Variants in TENM3 observed in about 807,000 individuals in gnomAD.
TENM3 encodes teneurin transmembrane protein 3, also known as teneurin-3.
Under a neutral mutation model 255.1 loss-of-function variants are expected in TENM3, and 63 were observed. The observed-to-expected ratio is 0.25, with a 90% CI of 0.20 to 0.30. The LOEUF (loss-of-function observed/expected upper bound fraction) is 0.30. Ranked by LOEUF, TENM3 falls within the 10% of genes least tolerant of loss-of-function variation. The pLI, the probability that TENM3 is intolerant of heterozygous loss-of-function variation, is 1.00. For missense variants in TENM3, 2,929 were observed against 3,461.1 expected, an observed-to-expected ratio of 0.85 and a Z score of 3.86; for synonymous variants, 1,306 against 1,322.3, an observed-to-expected ratio of 0.99 and a Z score of 0.27.
chr4:181,679,973 A>C, the TENM3 span, among the ~76,000 whole-genome samples: 3 of 152,088 alleles, frequency 2.0e-5, no homozygotes, highest in African/African-American at 7.2e-5. Flanking sequence ...TTACCTGGCA[A>C]ATTGCTCGTG....
At chr4:182,494,998 A>T (rs1290219352) in intron 3 of TENM3, among the ~76,000 whole-genome samples, 1 of 152,060 alleles carries the variant, frequency 6.6e-6, no homozygotes, top group Non-Finnish European at 1.5e-5. Context: ...ATCTTTGGAG[A>T]TGTTGTATGC....
the TENM3 span, among the ~76,000 whole-genome samples, chr4:181,664,950 C>T: frequency 6.6e-6 from 1 of 152,202 alleles, no homozygotes; most frequent in Non-Finnish European, 1.5e-5. Context: ...ATCACATTCT[C>T]ACTAGTAGGT....
At chr4:181,489,481 T>C in the TENM3 span, among the ~76,000 whole-genome samples, 28 of 152,220 alleles carry the variant, frequency 1.8e-4, no homozygotes, top group Non-Finnish European at 2.8e-4. Context: ...TTACTTTCAG[T>C]AATTTATTTA....
intron 3 of TENM3, among the ~76,000 whole-genome samples, chr4:182,352,986 C>G (rs1235858155): frequency 6.6e-6 from 1 of 152,134 alleles, no homozygotes; most frequent in Non-Finnish European, 1.5e-5. Context: ...TGTAGCTCTT[C>G]CAGTGCTGAT....
chr4:182,498,435 T>A (rs1736006386), intron 3 of TENM3, among the ~76,000 whole-genome samples: 1 of 152,212 alleles, frequency 6.6e-6, no homozygotes, highest in African/African-American at 2.4e-5. Context: ...AGTGTCACGA[T>A]CCATTCCCAT....
chr4:181,653,646 G>GC, the TENM3 span, among the ~76,000 whole-genome samples: 1 of 150,486 alleles, frequency 6.6e-6, no homozygotes, highest in Non-Finnish European at 1.5e-5. Context: ...TGATCTGCCC[G>GC]CCTTGGCCTC....
chr4:182,298,832 G>A (rs1465023041), intron 1 of TENM3, among the ~76,000 whole-genome samples: 1 of 151,170 alleles, frequency 6.6e-6, no homozygotes, highest in Non-Finnish European at 1.5e-5. Flanking sequence ...AATTAGCCGG[G>A]CGTGATGGCG....
At chr4:181,770,674 CAAAAAAAA>C in the TENM3 span, among the ~76,000 whole-genome samples, 8 of 76,620 alleles carry the variant, frequency 1.0e-4, no homozygotes, top group Admixed American at 3.2e-4. Flanking sequence ...GACTCTGTCT[CAAAAAAAA>C]AAAAAAAAAA....
intron 12 of TENM3, among the ~76,000 whole-genome samples, chr4:182,703,160 A>T (rs1579167932): frequency 6.6e-6 from 1 of 152,344 alleles, no homozygotes; most frequent in South Asian, 2.1e-4. Flanking sequence ...AAATAAATTA[A>T]TGTATATGTC....
chr4:182,041,417 G>C, the TENM3 span, among the ~76,000 whole-genome samples: 9 of 152,024 alleles, frequency 5.9e-5, no homozygotes, highest in Admixed American at 2.6e-4. Context: ...TAAACTACTG[G>C]AAAAAAAGCA....
chr4:181,559,402 A>T, the TENM3 span, among the ~76,000 whole-genome samples: 1 of 152,186 alleles, frequency 6.6e-6, no homozygotes, highest in Non-Finnish European at 1.5e-5. Flanking sequence ...GAGATTTTAC[A>T]TAGGCAGCAG....
At chr4:182,643,021 T>G (rs1433168839) in intron 5 of TENM3, among the ~76,000 whole-genome samples, 3 of 152,134 alleles carry the variant, frequency 2.0e-5, no homozygotes, top group Admixed American at 2.0e-4. Context: ...AAAAGCTAAT[T>G]TATAGAGAAC....
At chr4:182,024,762 T>C in the TENM3 span, among the ~76,000 whole-genome samples, 7 of 152,278 alleles carry the variant, frequency 4.6e-5, no homozygotes, top group South Asian at 1.4e-3. Flanking sequence ...TGTGCTATCA[T>C]GTACTAGGTC....
chr4:181,586,877 A>T, the TENM3 span, among the ~76,000 whole-genome samples: 1 of 149,386 alleles, frequency 6.7e-6, no homozygotes, highest in East Asian at 2.0e-4. Flanking sequence ...CAAACAAACA[A>T]AAACAAAAGA....
the TENM3 span, among the ~76,000 whole-genome samples, chr4:181,473,846 T>TATAC: frequency 1.5e-4 from 22 of 145,714 alleles, no homozygotes; most frequent in South Asian, 8.7e-4. Context: ...TATATATATA[T>TATAC]ACAGTATATA....
intron 1 of TENM3, among the ~76,000 whole-genome samples, chr4:182,204,211 T>G (rs1754396794): frequency 1.3e-5 from 2 of 152,220 alleles, no homozygotes; most frequent in Non-Finnish European, 2.9e-5. Flanking sequence ...TAGTGTGTGG[T>G]GATAATGGGC....
intron 13 of TENM3, among the ~76,000 whole-genome samples, chr4:182,721,273 A>G (rs2152693188): frequency 6.6e-6 from 1 of 152,302 alleles, no homozygotes; most frequent in Non-Finnish European, 1.5e-5. Flanking sequence ...CAGAAGAGTT[A>G]GCCACCATCA....
At chr4:182,024,173 A>G in the TENM3 span, among the ~76,000 whole-genome samples, 2 of 152,256 alleles carry the variant, frequency 1.3e-5, no homozygotes, top group Admixed American at 6.5e-5. Context: ...CAAGAATTTG[A>G]AGAAAAAATA....
the TENM3 span, among the ~76,000 whole-genome samples, chr4:181,638,400 T>A: frequency 6.6e-6 from 1 of 152,224 alleles, no homozygotes; most frequent in East Asian, 1.9e-4. Flanking sequence ...AAATACTTAA[T>A]GCCCCCCTGT....
Sources: gnomAD v4.1 joint callset for allele counts (sites outside exome capture counted in the v4.1 genomes callset) on GRCh38, gnomAD v4.1.1 for gene constraint, MANE v1.5 for transcripts, NCBI Gene and HGNC (gene_info 2026-07-23, HGNC 2026-07-21) for gene names.